KIF16B: variants seen among roughly 807,000 people sequenced by gnomAD.
KIF16B encodes the protein kinesin family member 16B, also known as kinesin-like protein KIF16B.
KIF16B carries 98 observed loss-of-function variants against 156.3 expected under a neutral mutation model. That is an observed-to-expected ratio of 0.63 (90% CI 0.53 to 0.74). KIF16B has a LOEUF of 0.74. Ranked by LOEUF, KIF16B falls within the 30% of genes least tolerant of loss-of-function variation. The pLI is 0.00. For missense variants in KIF16B, 1,421 were observed against 1,606.5 expected (o/e 0.88, Z 1.97); for synonymous variants, 564 against 583.7 (o/e 0.97, Z 0.49).
chr20:16,400,129 G>C (rs2065612516), intron 17 of KIF16B, among the ~76,000 whole-genome samples: 1 of 152,228 alleles, frequency 6.6e-6, no homozygotes, highest in African/African-American at 2.4e-5. Flanking sequence ...CAGAACATGA[G>C]AGAGGTCATG....
chr20:16,546,496 T>C (rs2070410465), intron 1 of KIF16B, among the ~76,000 whole-genome samples: 1 of 152,196 alleles, frequency 6.6e-6, no homozygotes, highest in South Asian at 2.1e-4. Flanking sequence ...AACAAAATGA[T>C]CTCTGGGAGC....
At chr20:16,325,176 C>G (rs905501975) in intron 24 of KIF16B, among the ~76,000 whole-genome samples, 3 of 151,984 alleles carry the variant, frequency 2.0e-5, no homozygotes, top group Admixed American at 2.0e-4. Context: ...CCATCTATGA[C>G]AAACCCACAT....
intron 25 of KIF16B, among the ~76,000 whole-genome samples, chr20:16,306,529 C>G (rs544048252): frequency 6.6e-6 from 1 of 152,276 alleles, no homozygotes; most frequent in South Asian, 2.1e-4. Flanking sequence ...ACTGGTATTA[C>G]AGCAAGAGTT....
At chr20:16,500,650 G>T (rs1217735141) in intron 10 of KIF16B, among the ~76,000 whole-genome samples, 2 of 151,952 alleles carry the variant, frequency 1.3e-5, no homozygotes, top group African/African-American at 4.8e-5. Context: ...TCGTGATAAA[G>T]TGCTCTTTTT....
intron 24 of KIF16B, among the ~76,000 whole-genome samples, chr20:16,315,097 C>T (rs1470341276): frequency 1.3e-5 from 2 of 152,078 alleles, no homozygotes; most frequent in East Asian, 3.9e-4. Context: ...AATCAGAAGT[C>T]GTGCAATAAA....
At chr20:16,558,723 G>A (rs2070945069) in intron 1 of KIF16B, among the ~76,000 whole-genome samples, 2 of 152,036 alleles carry the variant, frequency 1.3e-5, no homozygotes, top group African/African-American at 4.8e-5. Flanking sequence ...GGCCAACATG[G>A]CAAAACCCTG....
chr20:16,335,659 A>C (rs2064022592), intron 24 of KIF16B, among the ~76,000 whole-genome samples: 2 of 152,238 alleles, frequency 1.3e-5, no homozygotes, highest in Non-Finnish European at 2.9e-5. Context: ...TATGAGAAGG[A>C]TGGAGTTCAC....
Position 16,344,521 on chromosome 20 carries a change from A to T in KIF16B, c.3622-8506T>A, listed in dbSNP as rs147441723. ...GGATCAATTACAGAGGCCGGACTCC[A>T]GGTTAGTCCTCCTGACACTGGGAGA... is the stretch of plus-strand genomic sequence containing the variant. On this transcript the variant is annotated intron_variant, in intron 23 of 25. Coordinates refer to ENST00000354981, the MANE Select transcript of KIF16B (RefSeq NM_024704.5). Among the ~76,000 whole-genome samples, 299 of 152,292 alleles carry T rather than the reference A, an allele frequency of 2.0e-3. 2 individuals are homozygous for T. Among genetic ancestry groups the T allele is most frequent in the African/African-American group, 6.8e-3 (284 of 41,564 alleles).
At chr20:16,327,694 T>C (rs1470825090) in intron 24 of KIF16B, among the ~76,000 whole-genome samples, 1 of 152,166 alleles carries the variant, frequency 6.6e-6, no homozygotes, top group Non-Finnish European at 1.5e-5. Flanking sequence ...GTGATTTAAA[T>C]GCTAGTTATC....
intron 9 of KIF16B, among the ~76,000 whole-genome samples, chr20:16,505,213 CCAAA>C (rs2068738839): frequency 6.6e-6 from 1 of 152,150 alleles, no homozygotes; most frequent in African/African-American, 2.4e-5. Flanking sequence ...CTGACTTCTC[CCAAA>C]CAATTATCTC....
intron 15 of KIF16B, among the ~76,000 whole-genome samples, chr20:16,408,235 A>G (rs2065835289): frequency 6.6e-6 from 1 of 152,176 alleles, no homozygotes; most frequent in Non-Finnish European, 1.5e-5. Flanking sequence ...AGTGGTTGTC[A>G]TTATTTAGCA....
intron 15 of KIF16B, among the ~76,000 whole-genome samples, chr20:16,407,265 A>C (rs1456988197): frequency 6.6e-6 from 1 of 152,184 alleles, no homozygotes; most frequent in African/African-American, 2.4e-5. Flanking sequence ...AGAGGCATGT[A>C]AGAGAAAAGA....
chr20:16,470,570 A>AC (rs1026037921), intron 12 of KIF16B, among the ~76,000 whole-genome samples: 2 of 131,956 alleles, frequency 1.5e-5, no homozygotes, highest in Non-Finnish European at 3.3e-5. Flanking sequence ...GCAGCCTCCA[A>AC]CCCCCCAGGC....
Position 16,504,438 on chromosome 20 carries a change from G to C in KIF16B, c.1110C>G (p.Val370=). The C allele has an allele frequency of 6.2e-7, 1 of 1,614,132 alleles. No individual in the cohort carries two copies. The highest frequency in any genetic ancestry group is 8.5e-7 in the Non-Finnish European group (1 of 1,179,996). Residue 370 remains valine (V), a synonymous_variant, in exon 10 of 26, where the codon GTC becomes GTG. Transcript: ENST00000354981. ...CAGCTCGCAGCTCACGGATAAGTTTGACGTTGGCATCCTCATTAATGGTAG... is the reference window on the plus strand; with the variant it reads ...CAGCTCGCAGCTCACGGATAAGTTTCACGTTGGCATCCTCATTAATGGTAG... ...NKPTINEDAN[V]KLIRELRAEI...
intron 12 of KIF16B, among the ~76,000 whole-genome samples, chr20:16,490,584 T>C (rs1248691729): frequency 6.6e-6 from 1 of 151,644 alleles, no homozygotes; most frequent in East Asian, 1.9e-4. Flanking sequence ...AAGAGGAACC[T>C]AGGATACACA....
chr20:16,286,256 G>A (rs1188812780), intron 25 of KIF16B, among the ~76,000 whole-genome samples: 1 of 152,152 alleles, frequency 6.6e-6, no homozygotes, highest in Non-Finnish European at 1.5e-5. Flanking sequence ...TTTACCCATA[G>A]GGTAAATTCC....
chr20:16,324,955 G>A (rs1014553117), intron 24 of KIF16B, among the ~76,000 whole-genome samples: 3 of 151,970 alleles, frequency 2.0e-5, no homozygotes, highest in African/African-American at 4.8e-5. Context: ...AATCCACCAC[G>A]ATCAAGTGGG....
At chr20:16,457,596 CAT>C (rs1430025701) in intron 12 of KIF16B, among the ~76,000 whole-genome samples, 2 of 152,140 alleles carry the variant, frequency 1.3e-5, no homozygotes, top group Non-Finnish European at 2.9e-5. Flanking sequence ...GCTTGTAAGC[CAT>C]CATCAACAGC....
At chr20:16,573,125 G>T in intron 1 of KIF16B, 104 bp downstream of exon 1, 3 of 1,172,560 alleles carry the variant, frequency 2.6e-6, no homozygotes, top group South Asian at 1.4e-5. Flanking sequence ...CCAGGGACCA[G>T]CCGGTGACAC....
Sources: gnomAD v4.1 joint callset for allele counts (sites outside exome capture counted in the v4.1 genomes callset) on GRCh38, gnomAD v4.1.1 for gene constraint, MANE v1.5 for transcripts, NCBI Gene and HGNC (gene_info 2026-07-23, HGNC 2026-07-21) for gene names.